DNAH5: variants seen among roughly 807,000 people sequenced by gnomAD.
The protein encoded by DNAH5 is dynein axonemal heavy chain 5.
DNAH5 carries 372 observed loss-of-function variants against 518.2 expected under a neutral mutation model. The ratio of observed to expected loss-of-function variants is 0.72; its 90% CI spans 0.66 to 0.78. DNAH5 has a LOEUF of 0.78. Among genes scored for constraint, DNAH5 ranks in the 30% least tolerant of loss-of-function variants. The pLI is 0.00. For missense variants in DNAH5, 5,523 were observed against 5,687.0 expected (o/e 0.97, Z 0.93); for synonymous variants, 2,039 against 2,025.9 (o/e 1.01, Z -0.17).
At chr5:13,810,760 C>A (rs116151997) in intron 44 of DNAH5, among the ~76,000 whole-genome samples, 22,668 of 125,798 alleles carry the variant, frequency 0.18, 1,813 homozygotes, top group Admixed American at 0.22. Context: ...TGTCAAAAAA[C>A]AAAACAAACA....
At chr5:14,005,608 T>C (rs549519882) in intron 1 of DNAH5, among the ~76,000 whole-genome samples, 85 of 152,346 alleles carry the variant, frequency 5.6e-4, no homozygotes, top group Non-Finnish European at 1.0e-3. Flanking sequence ...CACCTGAATG[T>C]GTTCCTTTTA....
At chr5:13,695,871 C>T (rs528011176) in intron 78 of DNAH5, among the ~76,000 whole-genome samples, 3 of 152,268 alleles carry the variant, frequency 2.0e-5, no homozygotes, top group African/African-American at 4.8e-5. Flanking sequence ...CACACACATG[C>T]ACACGCACAT....
intron 68 of DNAH5, 143 bp from the exon 69 acceptor site, chr5:13,729,703 C>G: frequency 1.4e-6 from 1 of 736,524 alleles, no homozygotes; most frequent in Admixed American, 3.0e-5. Flanking sequence ...TAGTGAGAAA[C>G]ATGCAACATT....
At chr5:13,779,743 T>C (rs1402123600) in intron 53 of DNAH5, among the ~76,000 whole-genome samples, 1 of 152,150 alleles carries the variant, frequency 6.6e-6, no homozygotes, top group African/African-American at 2.4e-5. Flanking sequence ...CAGCACCATC[T>C]AGATAGTTTC....
chr5:13,891,553 A>G lies in DNAH5; in HGVS notation c.2432-432T>C, dbSNP rs1226495021. Among the ~76,000 whole-genome samples, 5 of 152,168 alleles carry G rather than the reference A, an allele frequency of 3.3e-5. No homozygotes were observed. In the East Asian group the frequency reaches 5.8e-4, roughly 18 times the overall value. On this transcript the variant is annotated intron_variant, in intron 16 of 78. Coordinates refer to ENST00000265104, the MANE Select transcript of DNAH5 (RefSeq NM_001369.3). ...CCGGCTCAAGTGCATTTCCCCACAG[A>G]GGCCCTGGGTGAATCCATGTGCATT...
intron 1 of DNAH5, among the ~76,000 whole-genome samples, chr5:13,938,422 A>C (rs1348193782): frequency 6.6e-6 from 1 of 152,008 alleles, no homozygotes; most frequent in Non-Finnish European, 1.5e-5. Context: ...ACATTCACAC[A>C]ATTTTTATTA....
chr5:14,007,750 C>T (rs184442461), intron 1 of DNAH5, among the ~76,000 whole-genome samples: 19 of 152,108 alleles, frequency 1.2e-4, no homozygotes, highest in African/African-American at 3.6e-4. Context: ...CAGTGGACAG[C>T]GGTCACAATT....
At position 13,866,238 on chromosome 5, in the gene DNAH5, G is replaced by A. The variant is rs1263441445; in HGVS notation, c.4098C>T (p.Asp1366=). 2 of 1,613,622 alleles carry A rather than the reference G, an allele frequency of 1.2e-6. No homozygotes were observed. The highest frequency in any genetic ancestry group is 2.7e-5 in the African/African-American group (2 of 75,044). Residue 1366 remains aspartate (D), a synonymous_variant, in exon 26 of 79, where the codon GAC becomes GAT. Coordinates refer to ENST00000265104, the MANE Select transcript of DNAH5 (RefSeq NM_001369.3). ...AGATTACCTGAAACATGATAAGCCT[G>A]TCACTGGCTTCCTGGGGCTTCAAGC... ...ASGLKPQEAS[D]RLIMFQNQFD...
intron 9 of DNAH5, among the ~76,000 whole-genome samples, chr5:13,914,947 T>C (rs1776467783): frequency 6.6e-6 from 1 of 152,022 alleles, no homozygotes; most frequent in East Asian, 1.9e-4. Context: ...ACTGATGAGT[T>C]TCCCCAAATC....
intron 1 of DNAH5, among the ~76,000 whole-genome samples, chr5:14,010,359 T>C (rs937339342): frequency 8.5e-5 from 13 of 152,166 alleles, no homozygotes; most frequent in Non-Finnish European, 5.9e-5. Flanking sequence ...CGCTGAAACC[T>C]GAAAGCAAGC....
intron 1 of DNAH5, among the ~76,000 whole-genome samples, chr5:13,990,646 T>C (rs977377884): frequency 4.6e-5 from 7 of 152,032 alleles, no homozygotes; most frequent in African/African-American, 1.2e-4. Flanking sequence ...GGCGGGCGGA[T>C]TGCTTGAGGT....
chr5:13,810,775 A>G (rs1760578872), intron 44 of DNAH5, among the ~76,000 whole-genome samples: 1 of 129,080 alleles, frequency 7.7e-6, no homozygotes, highest in South Asian at 2.4e-4. Context: ...CAAACAAACA[A>G]AAAAACAGGG....
chr5:13,899,093 G>A (rs1484128795), intron 15 of DNAH5: 5 of 152,678 alleles, frequency 3.3e-5, no homozygotes, highest in African/African-American at 1.2e-4. Flanking sequence ...AACATGTTCA[G>A]CTAATTTTTG....
Position 13,820,475 on chromosome 5 carries a change from G to C in DNAH5, c.6712C>G (p.His2238Asp). 3.7e-6 allele frequency: 6 copies of C among 1,614,044 alleles called. No homozygotes were observed. Among genetic ancestry groups the C allele is most frequent in the Non-Finnish European group, 5.1e-6 (6 of 1,180,024 alleles). Residue 2238 changes from histidine to aspartate, a missense_variant, in exon 41 of 79, where the codon CAT (histidine) becomes GAT (aspartate). Physicochemically the swap from His to Asp is moderately conservative, Grantham distance 81. This residue lies in a region of DNAH5 where 5,121 missense variants were observed against 5,223.3 expected (regional missense o/e 0.98). Transcript: ENST00000265104. ...RQVEEAGLIN[H>D]PPWKLKVIQL... ...ATGACCTTCAGTTTCCAAGGAGGAT[G>C]GTTGATTAAACCAGCTTCTTCAACC...
intron 75 of DNAH5, among the ~76,000 whole-genome samples, chr5:13,709,741 G>A (rs1454088902): frequency 6.6e-6 from 1 of 152,170 alleles, no homozygotes; most frequent in Non-Finnish European, 1.5e-5. Flanking sequence ...CTGCAGAAGT[G>A]GGAAAGGGAG....
intron 61 of DNAH5, among the ~76,000 whole-genome samples, chr5:13,755,176 C>G (rs920422683): frequency 1.3e-5 from 2 of 152,018 alleles, no homozygotes; most frequent in Non-Finnish European, 2.9e-5. Flanking sequence ...GCAACAATTG[C>G]TTATTCTACT....
intron 21 of DNAH5, among the ~76,000 whole-genome samples, chr5:13,882,392 G>A (rs1771799045): frequency 6.6e-6 from 1 of 151,124 alleles, no homozygotes; most frequent in South Asian, 2.1e-4. Flanking sequence ...TATCACTGGT[G>A]GACATAAATG....
Position 13,780,889 on chromosome 5 carries a change from C to T in DNAH5, c.8891G>A (p.Ser2964Asn), listed in dbSNP as rs370411490. The T allele has an allele frequency of 1.2e-6, 2 of 1,613,704 alleles. No individual in the cohort carries two copies. The highest frequency in any genetic ancestry group is 1.7e-6 in the Non-Finnish European group (2 of 1,179,836). The change falls in exon 53 of 79, where the codon AGC becomes AAC. Residue 2964 changes from serine to asparagine, a missense_variant. Ser to Asn is a conservative substitution (Grantham distance 46). Coordinates refer to ENST00000265104, the MANE Select transcript of DNAH5 (RefSeq NM_001369.3). The stretch of plus-strand genomic sequence containing the variant: ...AATGAATGAAGCCAACCTCGTCAGG[C>T]TCTGCTTTCCTGATCCGCCCACCCC... ...LVGVGGSGKQ[S>N]LTRLASFIAG... is the part of the protein sequence containing the mutation.
intron 23 of DNAH5, among the ~76,000 whole-genome samples, 190 bp from the exon 24 acceptor site, chr5:13,871,192 T>G (rs1425110673): frequency 1.3e-5 from 2 of 152,226 alleles, no homozygotes; most frequent in Non-Finnish European, 2.9e-5. Context: ...AGTTTGTTTT[T>G]ACAACAACTC....
Sources: gnomAD v4.1 joint callset for allele counts (sites outside exome capture counted in the v4.1 genomes callset) on GRCh38, gnomAD v4.1.1 for gene constraint, gnomAD v4.1.1 regional missense constraint, MANE v1.5 for transcripts, NCBI Gene and HGNC (gene_info 2026-07-23, HGNC 2026-07-21) for gene names.